ATP9B: variants seen among roughly 807,000 people sequenced by gnomAD.
ATP9B encodes ATPase phospholipid transporting 9B.
Under a neutral mutation model 146.1 loss-of-function variants are expected in ATP9B, and 110 were observed. The ratio of observed to expected loss-of-function variants is 0.75; its 90% CI spans 0.65 to 0.88. The LOEUF is 0.88. Ranked by LOEUF, ATP9B falls within the 40% of genes least tolerant of loss-of-function variation. The pLI, the probability that ATP9B is intolerant of heterozygous loss-of-function variation, is 0.00. For synonymous variants in ATP9B, 604 were observed against 569.7 expected (o/e 1.06, Z -0.86); for missense variants, 1,499 against 1,496.4 (o/e 1.00, Z -0.03).
chr18:79,235,014 A>G (rs1568461679), intron 11 of ATP9B, among the ~76,000 whole-genome samples: 1 of 152,168 alleles, frequency 6.6e-6, no homozygotes, highest in Non-Finnish European at 1.5e-5. Context: ...CTGGGACTAC[A>G]GGTGCCCATG....
intron 13 of ATP9B, among the ~76,000 whole-genome samples, chr18:79,293,660 AC>A (rs2096527486): frequency 6.6e-6 from 1 of 152,190 alleles, no homozygotes. Context: ...AAAATTAATT[AC>A]CCAGTCTCAG....
chr18:79,244,245 A>AC (rs934045094), intron 11 of ATP9B, among the ~76,000 whole-genome samples: 2 of 149,330 alleles, frequency 1.3e-5, no homozygotes, highest in Admixed American at 6.7e-5. Flanking sequence ...CTGCTGGGCC[A>AC]CCCCCCTGCC....
At chr18:79,365,691 GCT>G (rs2097022752) in intron 26 of ATP9B, among the ~76,000 whole-genome samples, 1 of 151,500 alleles carries the variant, frequency 6.6e-6, no homozygotes, top group South Asian at 2.1e-4. Context: ...GACGGGGACA[GCT>G]CCCGCGTGAT....
At chr18:79,323,173 T>G (rs1379343113) in intron 15 of ATP9B, among the ~76,000 whole-genome samples, 4 of 150,900 alleles carry the variant, frequency 2.7e-5, no homozygotes, top group Non-Finnish European at 5.9e-5. Flanking sequence ...TAATCCTCCG[T>G]TTATCGTTGC....
chr18:79,376,210 C>A lies in ATP9B; in HGVS notation c.3307+784C>A, dbSNP rs3052876. Reference sequence around the variant, plus strand: ...ACACACACACACACACACACACACACACACAAAACAAAACAAAAAAATGGC... The same window carrying A: ...ACACACACACACACACACACACACAAACACAAAACAAAACAAAAAAATGGC... On this transcript the variant is annotated intron_variant, in intron 29 of 29. Transcript: ENST00000426216. The A allele has an allele frequency of 2.4e-3, 2,059 of 872,986 alleles. 26 individuals carry two copies. In the African/African-American group the frequency reaches 0.027, roughly 11 times the overall value. The allele number at this position is 872,986 out of a possible 1,614,324, so 54.1% of individuals were successfully genotyped here. A position where few individuals can be genotyped will look rare whatever the true frequency, so the allele number is the denominator to read the frequency against.
chr18:79,277,182 T>C lies in ATP9B; in HGVS notation c.1397T>C (p.Leu466Ser), dbSNP rs772009178. 1.9e-6 allele frequency: 3 copies of C among 1,614,238 alleles called. No homozygotes were observed. The highest frequency in any genetic ancestry group is 2.5e-6 in the Non-Finnish European group (3 of 1,180,044). The change falls in exon 13 of 30, where the codon TTG becomes TCG. Residue 466 changes from leucine (L) to serine (S), a missense_variant. Coordinates refer to ENST00000426216, the MANE Select transcript of ATP9B (RefSeq NM_198531.5). ...GAACTTGGGCGCCTGGTGTATTTAT[T>C]GACAGACAAAACAGGTACTGTTCGT... ...PEELGRLVYLLTDKTGTLTQN... is the reference protein window; with the variant it reads ...PEELGRLVYLSTDKTGTLTQN...
chr18:79,076,104 A>G (rs1228180643), intron 1 of ATP9B, among the ~76,000 whole-genome samples: 2 of 152,206 alleles, frequency 1.3e-5, no homozygotes, highest in Non-Finnish European at 2.9e-5. Context: ...GTGTATGTAG[A>G]TTTTACATAT....
At chr18:79,348,246 T>C (rs771179161) in intron 25 of ATP9B, 50 bp downstream of exon 25, 1 of 1,136,586 alleles carries the variant, frequency 8.8e-7, no homozygotes. Flanking sequence ...GACTTCTATT[T>C]TGAAAAAAAA....
chr18:79,207,967 C>T (rs972469094), intron 10 of ATP9B, among the ~76,000 whole-genome samples: 5 of 152,110 alleles, frequency 3.3e-5, no homozygotes, highest in African/African-American at 7.2e-5. Context: ...GCTTATAGGC[C>T]GGGCGCGGGG....
Position 79,175,971 on chromosome 18 carries a change from A to ATAATGTATTTTTC in ATP9B, c.779-839_779-827dup, listed in dbSNP as rs1214977160. Among the ~76,000 whole-genome samples, 3 of 152,328 alleles carry ATAATGTATTTTTC rather than the reference A, an allele frequency of 2.0e-5. No homozygotes were observed. In the East Asian group the frequency reaches 5.8e-4, roughly 29 times the overall value. On this transcript the variant is annotated intron_variant, in intron 7 of 29. Transcript: ENST00000426216. ...TCTCCTCCCTCCCTTGTTCTTAACT[A>ATAATGTATTTTTC]TAATGTATTTTTCTATATATAATGT... is the stretch of plus-strand genomic sequence containing the variant.
chr18:79,093,483 C>T (rs939274172), intron 1 of ATP9B, among the ~76,000 whole-genome samples: 1 of 152,150 alleles, frequency 6.6e-6, no homozygotes, highest in African/African-American at 2.4e-5. Context: ...TTTCCTTCAT[C>T]TTTGCTTCTA....
rs1316602753 is a variant in ATP9B at position 79,122,361 on chromosome 18, A to C, written c.559-3906A>C. Among the ~76,000 whole-genome samples the C allele has an allele frequency of 2.0e-5, 3 of 152,306 alleles. No individual in the cohort carries two copies. In the East Asian group the frequency reaches 5.8e-4, roughly 29 times the overall value. ...GCAGACAAGTATATTTCTTGGATTC[A>C]AAGATGCATATTTTTCATGTTACTA... On this transcript the variant is annotated intron_variant, in intron 4 of 29. Transcript: ENST00000426216.
Position 79,307,021 on chromosome 18 carries a change from AACTCC to A in ATP9B, c.1564_1568del (p.Pro522LysfsTer11). On this transcript the variant is annotated frameshift_variant, in exon 15 of 30. Transcript: ENST00000426216. LOFTEE classifies it high-confidence loss of function. Reference sequence around the variant, plus strand: ...AAGCTGGTGGAAACAATACTGGTTCAACTCCACTAAGAAAAGCCCAATCTTCAGCT... The same window carrying A: ...AAGCTGGTGGAAACAATACTGGTTCAACTAAGAAAAGCCCAATCTTCAGCT... The A allele has an allele frequency of 2.5e-6, 4 of 1,614,240 alleles. No homozygotes were observed. Among genetic ancestry groups the A allele is most frequent in the Non-Finnish European group, 3.4e-6 (4 of 1,180,018 alleles).
chr18:79,155,795 C>G (rs2094769604), intron 7 of ATP9B, among the ~76,000 whole-genome samples: 1 of 123,668 alleles, frequency 8.1e-6, no homozygotes, highest in Admixed American at 9.8e-5. Flanking sequence ...TGGAGTCTCG[C>G]TCTGTCGCCC....
chr18:79,200,002 A>G (rs2095452889), intron 9 of ATP9B, among the ~76,000 whole-genome samples: 1 of 152,190 alleles, frequency 6.6e-6, no homozygotes, highest in Non-Finnish European at 1.5e-5. Context: ...GAAGGAGTAC[A>G]CTCTCAAACA....
chr18:79,335,820 C>G (rs1478322887), intron 17 of ATP9B, among the ~76,000 whole-genome samples: 1 of 152,242 alleles, frequency 6.6e-6, no homozygotes, highest in Non-Finnish European at 1.5e-5. Flanking sequence ...CTCTTATGAG[C>G]CCATTTCTAT....
chr18:79,185,014 A>G (rs1402102350), intron 8 of ATP9B, among the ~76,000 whole-genome samples: 1 of 152,082 alleles, frequency 6.6e-6, no homozygotes, highest in East Asian at 1.9e-4. Flanking sequence ...CCAGCCAAGC[A>G]AGGATGTCGG....
At chr18:79,200,509 A>G (rs1254236124) in intron 9 of ATP9B, among the ~76,000 whole-genome samples, 2 of 152,216 alleles carry the variant, frequency 1.3e-5, no homozygotes, top group Non-Finnish European at 2.9e-5. Flanking sequence ...CAGGATGGGT[A>G]GCTTACCCAG....
intron 11 of ATP9B, among the ~76,000 whole-genome samples, chr18:79,214,303 A>G (rs552599581): frequency 6.6e-6 from 1 of 152,304 alleles, no homozygotes; most frequent in South Asian, 2.1e-4. Flanking sequence ...ATTTGCCCGT[A>G]ATTTGACAGT....
Sources: gnomAD v4.1 joint callset for allele counts (sites outside exome capture counted in the v4.1 genomes callset) on GRCh38, gnomAD v4.1.1 for gene constraint, MANE v1.5 for transcripts, NCBI Gene and HGNC (gene_info 2026-07-23, HGNC 2026-07-21) for gene names.